The following TAF4B variants were observed in gnomAD, a reference collection of about 807,000 sequenced individuals.
TAF4B encodes transcription initiation factor TFIID subunit 4B.
Under a neutral mutation model 86.4 loss-of-function variants are expected in TAF4B, and 38 were observed. The observed-to-expected ratio is 0.44, with a 90% CI of 0.34 to 0.58. The LOEUF is 0.58. TAF4B is among the 20% of genes least tolerant of loss of function. TAF4B has a pLI of 0.02. For missense variants in TAF4B, 988 were observed against 1,027.6 expected (o/e 0.96, Z 0.53); for synonymous variants, 388 against 391.2 (o/e 0.99, Z 0.10).
At chr18:26,254,029 G>A (rs1422496480) in intron 1 of TAF4B, among the ~76,000 whole-genome samples, 4 of 151,700 alleles carry the variant, frequency 2.6e-5, no homozygotes, top group Non-Finnish European at 5.9e-5. Flanking sequence ...GGGTTCAAGC[G>A]ATTCTTCTGC....
chr18:26,315,124 CTCTCTCTCTCTCTCTCTCTCTG>C (rs2056890276), intron 9 of TAF4B, 83 bp from the exon 10 acceptor site: 6 of 313,016 alleles, frequency 1.9e-5, no homozygotes, highest in African/African-American at 1.2e-4. Context: ...CTCTCTCTCT[CTCTCTCTCTCTCTCTCTCTCTG>C]TCTCTCTCTC....
At chr18:26,326,009 G>A (rs2057001251) in intron 11 of TAF4B, among the ~76,000 whole-genome samples, 1 of 152,160 alleles carries the variant, frequency 6.6e-6, no homozygotes, top group Admixed American at 6.6e-5. Flanking sequence ...AACAAAGATG[G>A]GAGTGGTACA....
intron 13 of TAF4B, among the ~76,000 whole-genome samples, chr18:26,350,164 A>G (rs1414981649): frequency 1.3e-5 from 2 of 152,236 alleles, no homozygotes. Context: ...TATTTTATGA[A>G]TAAGACGTCA....
chr18:26,255,461 G>A (rs1367606213), intron 1 of TAF4B, among the ~76,000 whole-genome samples: 1 of 151,828 alleles, frequency 6.6e-6, no homozygotes, highest in African/African-American at 2.4e-5. Context: ...AAATTAGCTG[G>A]GTCTGGTGGT....
chr18:26,263,389 C>T (rs1002853590), intron 1 of TAF4B, among the ~76,000 whole-genome samples: 15 of 152,094 alleles, frequency 9.9e-5, no homozygotes, highest in Non-Finnish European at 1.8e-4. Context: ...CGTTGATACA[C>T]GTTTCTCTAA....
intron 13 of TAF4B, among the ~76,000 whole-genome samples, chr18:26,346,789 A>ATGTGTG (rs2057188779): frequency 1.2e-4 from 4 of 34,158 alleles, no homozygotes; most frequent in African/African-American, 3.2e-4. Context: ...GTGTATATAT[A>ATGTGTG]TATATATATG....
intron 1 of TAF4B, among the ~76,000 whole-genome samples, chr18:26,235,342 G>T (rs944568084): frequency 6.6e-6 from 1 of 152,170 alleles, no homozygotes; most frequent in Non-Finnish European, 1.5e-5. Context: ...CATAGGGCAA[G>T]GATAAGCCAG....
intron 1 of TAF4B, among the ~76,000 whole-genome samples, chr18:26,252,355 T>C (rs2056018856): frequency 6.6e-6 from 1 of 152,138 alleles, no homozygotes; most frequent in South Asian, 2.1e-4. Flanking sequence ...TGAATATTGA[T>C]CTTGTATCCT....
chr18:26,390,869 T>A lies in TAF4B; in HGVS notation c.*857T>A, dbSNP rs1237971348. On this transcript the variant is annotated 3_prime_UTR_variant, in exon 15 of 15. Coordinates refer to ENST00000269142, the MANE Select transcript of TAF4B (RefSeq NM_005640.3). ...ATGTTTTGTTGATGGGCAAAAAAAA[T>A]CACAGCACAACCAGAAAGGAGAATG... 6.6e-6 allele frequency: 1 copy of A among 152,054 alleles called. No homozygotes were observed. The highest frequency in any genetic ancestry group is 2.4e-5 in the African/African-American group (1 of 41,400). The allele number at this position is 152,054 out of a possible 1,614,324, so 9.4% of individuals were successfully genotyped here. A position where few individuals can be genotyped will look rare whatever the true frequency, so the allele number is the denominator to read the frequency against.
At position 26,243,940 on chromosome 18, in the gene TAF4B, T is replaced by C. The variant is rs2055881752; in HGVS notation, c.343+16664T>C. Among the ~76,000 whole-genome samples, 4 of 152,226 alleles carry C rather than the reference T, an allele frequency of 2.6e-5. No homozygotes were observed. The South Asian group carries it at 8.3e-4, about 32-fold the overall frequency. On this transcript the variant is annotated intron_variant, in intron 1 of 14. Transcript: ENST00000269142. ...AAATGTTGCTGCCTGATCTTTCCTC[T>C]GGAAGCTTCGTCTCAGAGGGGCACC...
At chr18:26,378,035 A>G (rs893305014) in intron 14 of TAF4B, among the ~76,000 whole-genome samples, 1 of 152,132 alleles carries the variant, frequency 6.6e-6, no homozygotes, top group Admixed American at 6.5e-5. Flanking sequence ...TGCTGCTTAT[A>G]TGTGTTTTTG....
chr18:26,295,952 G>A (rs2056657033), intron 9 of TAF4B, among the ~76,000 whole-genome samples: 1 of 151,050 alleles, frequency 6.6e-6, no homozygotes, highest in Non-Finnish European at 1.5e-5. Flanking sequence ...AACGTTCTTG[G>A]AGTATAGTTT....
In TAF4B at chr18:26,389,880, C is replaced by T. The variant is rs528782302; in HGVS notation, c.2457C>T (p.Ser819=). The change falls in exon 15 of 15, where the codon TCC becomes TCT. Residue 819 remains serine (S), a synonymous_variant. Coordinates refer to ENST00000269142, the MANE Select transcript of TAF4B (RefSeq NM_005640.3). ...LKDNLLASGT[S]SLTATKQLHR... is the part of the protein sequence containing the mutation. ...ACAACCTTCTTGCTTCTGGGACATCCAGCCTGACAGCCACCAAACAGTTGC... is the reference window on the plus strand; with the variant it reads ...ACAACCTTCTTGCTTCTGGGACATCTAGCCTGACAGCCACCAAACAGTTGC... The T allele has an allele frequency of 1.1e-5, 18 of 1,613,816 alleles. No homozygotes were observed. In the African/African-American group the frequency reaches 2.0e-4, roughly 18 times the overall value.
At chr18:26,377,505 T>C (rs916250948) in intron 14 of TAF4B, among the ~76,000 whole-genome samples, 1 of 152,208 alleles carries the variant, frequency 6.6e-6, no homozygotes, top group Non-Finnish European at 1.5e-5. Flanking sequence ...TGTCATTACA[T>C]GGTTATGTTG....
At chr18:26,262,175 G>A (rs1457547628) in intron 1 of TAF4B, among the ~76,000 whole-genome samples, 1 of 150,160 alleles carries the variant, frequency 6.7e-6, no homozygotes, top group Non-Finnish European at 1.5e-5. Flanking sequence ...CCTGTCTCAA[G>A]TTTATCCTCT....
chr18:26,347,351 C>T (rs1336375421), intron 13 of TAF4B, among the ~76,000 whole-genome samples: 2 of 152,058 alleles, frequency 1.3e-5, no homozygotes, highest in Non-Finnish European at 2.9e-5. Flanking sequence ...GGGAGTTTTA[C>T]ATTTGAAAGT....
intron 7 of TAF4B, among the ~76,000 whole-genome samples, chr18:26,287,057 G>A (rs765799128): frequency 2.6e-5 from 4 of 152,100 alleles, no homozygotes; most frequent in Non-Finnish European, 5.9e-5. Context: ...AGTGCATGGT[G>A]TATATCTCCT....
intron 7 of TAF4B, 86 bp downstream of exon 7, chr18:26,286,585 T>A: frequency 7.1e-7 from 1 of 1,402,472 alleles, no homozygotes; most frequent in Non-Finnish European, 9.6e-7. Context: ...AGAAAACTAG[T>A]AAGGCTATAT....
intron 13 of TAF4B, among the ~76,000 whole-genome samples, chr18:26,338,195 C>T (rs1444919471): frequency 7.2e-5 from 11 of 152,164 alleles, no homozygotes; most frequent in African/African-American, 2.6e-4. Flanking sequence ...CACCTGTAAT[C>T]CTAGCACTTT....
Sources: allele counts gnomAD v4.1 joint callset (sites outside exome capture counted in the v4.1 genomes callset), GRCh38; gene constraint gnomAD v4.1.1; transcripts MANE v1.5; gene names NCBI Gene and HGNC (gene_info 2026-07-23, HGNC 2026-07-21).